UNC13C: variants seen among roughly 807,000 people sequenced by gnomAD.
The protein encoded by UNC13C is protein unc-13 homolog C.
UNC13C carries 174 observed loss-of-function variants against 245.4 expected under a neutral mutation model. The observed-to-expected ratio is 0.71, with a 90% CI of 0.63 to 0.80. The LOEUF (loss-of-function observed/expected upper bound fraction) is 0.80, where lower values mean the gene tolerates loss of function less well. Among genes scored for constraint, UNC13C ranks in the 30% least tolerant of loss-of-function variants. The pLI, the probability that UNC13C is intolerant of heterozygous loss-of-function variation, is 0.00. For synonymous variants in UNC13C, 992 were observed against 895.1 expected (o/e 1.11, Z -1.93); for missense variants, 2,829 against 2,602.9 (o/e 1.09, Z -1.89).
chr15:54,375,922 G>T (rs1047729698), intron 17 of UNC13C, among the ~76,000 whole-genome samples: 11 of 152,286 alleles, frequency 7.2e-5, no homozygotes, highest in African/African-American at 2.6e-4. Flanking sequence ...GTAGCAATTT[G>T]TTACACAGCA....
intron 19 of UNC13C, among the ~76,000 whole-genome samples, chr15:54,471,232 G>A (rs1892446522): frequency 6.6e-6 from 1 of 151,296 alleles, no homozygotes. Flanking sequence ...TATAGTTCAA[G>A]CAAATGCTTT....
intron 8 of UNC13C, among the ~76,000 whole-genome samples, chr15:54,258,758 TG>T (rs1353558799): frequency 2.6e-5 from 4 of 152,200 alleles, no homozygotes; most frequent in Non-Finnish European, 5.9e-5. Flanking sequence ...AAGCTATATG[TG>T]TTATCTCATT....
intron 13 of UNC13C, among the ~76,000 whole-genome samples, chr15:54,313,029 T>C (rs562366778): frequency 2.0e-5 from 3 of 151,852 alleles, no homozygotes; most frequent in African/African-American, 7.2e-5. Flanking sequence ...CTTAGAGGGA[T>C]TGAGTCAGGT....
In UNC13C at chr15:54,237,660, G is replaced by T. The variant is rs1320034225; in HGVS notation, c.3198G>T (p.Val1066=). Residue 1066 remains valine, a synonymous_variant, in exon 7 of 33, where the codon GTG becomes GTT. Coordinates refer to ENST00000260323, the MANE Select transcript of UNC13C (RefSeq NM_001080534.3). ...AATCTGGACTCTCCCTGGCTATGGT[G>T]ATTAGGACATCCCTAAATAATGAGG... ...ARKSGLSLAM[V]IRTSLNNEEL... 3 of 1,612,292 alleles carry T rather than the reference G, an allele frequency of 1.9e-6. No individual in the cohort carries two copies. Among genetic ancestry groups the T allele is most frequent in the South Asian group, 1.1e-5 (1 of 90,346 alleles).
chr15:54,050,364 G>GCACT (rs1255222654), intron 2 of UNC13C: 2 of 559,812 alleles, frequency 3.6e-6, no homozygotes, highest in African/African-American at 1.9e-5. Context: ...TCCTCAGAAG[G>GCACT]CACTCCTCCT....
intron 30 of UNC13C, among the ~76,000 whole-genome samples, chr15:54,572,896 C>G (rs1235983315): frequency 6.6e-6 from 1 of 152,086 alleles, no homozygotes; most frequent in Non-Finnish European, 1.5e-5. Flanking sequence ...TTTTCTTATT[C>G]TCATATAATT....
At chr15:54,086,737 C>CTTTTTTTTTTTTTTTTTTTTTTTTTTTTT (rs57209912) in intron 2 of UNC13C, among the ~76,000 whole-genome samples, 4 of 92,012 alleles carry the variant, frequency 4.3e-5, no homozygotes, top group East Asian at 3.5e-4. Flanking sequence ...TATTTTCTTT[C>CTTTTTTTTTTTTTTTTTTTTTTTTTTTTT]TTTTTTTTTT....
chr15:54,242,225 C>G (rs1240560051), intron 7 of UNC13C, among the ~76,000 whole-genome samples: 1 of 151,952 alleles, frequency 6.6e-6, no homozygotes, highest in South Asian at 2.1e-4. Flanking sequence ...AAAATAAGTT[C>G]TGTATCTTGA....
chr15:54,530,750 C>G (rs1895698797), intron 25 of UNC13C, among the ~76,000 whole-genome samples: 1 of 152,052 alleles, frequency 6.6e-6, no homozygotes, highest in African/African-American at 2.4e-5. Context: ...TAAGAGTGTC[C>G]TCAGAGAATT....
chr15:54,241,700 C>G (rs1171080705), intron 7 of UNC13C, among the ~76,000 whole-genome samples: 1 of 152,180 alleles, frequency 6.6e-6, no homozygotes, highest in African/African-American at 2.4e-5. Context: ...TTTAGTCAAA[C>G]CCTTCCCATT....
chr15:54,038,120 A>ATTTTTTTTTTTTTTTTT (rs1246982047), intron 2 of UNC13C, among the ~76,000 whole-genome samples: 8 of 45,196 alleles, frequency 1.8e-4, no homozygotes, highest in Admixed American at 4.8e-4. Flanking sequence ...ATATATATAT[A>ATTTTTTTTTTTTTTTTT]TATATTTTTT....
At chr15:54,567,271 C>G (rs2141215839) in intron 29 of UNC13C, among the ~76,000 whole-genome samples, 1 of 152,016 alleles carries the variant, frequency 6.6e-6, no homozygotes, top group African/African-American at 2.4e-5. Context: ...GTTGGATTTC[C>G]AAGGACCACT....
intron 2 of UNC13C, among the ~76,000 whole-genome samples, chr15:54,137,268 C>CT (rs2031786423): frequency 6.6e-6 from 1 of 152,108 alleles, no homozygotes; most frequent in Non-Finnish European, 1.5e-5. Context: ...TTGTTGAAGA[C>CT]TTTTTTGCAT....
chr15:54,186,293 C>T (rs1268365154), intron 4 of UNC13C, among the ~76,000 whole-genome samples: 1 of 152,180 alleles, frequency 6.6e-6, no homozygotes, highest in Non-Finnish European at 1.5e-5. Flanking sequence ...CTGGCCAGAA[C>T]TTCCAACACT....
At chr15:54,106,378 C>T (rs1334272467) in intron 2 of UNC13C, among the ~76,000 whole-genome samples, 1 of 152,118 alleles carries the variant, frequency 6.6e-6, no homozygotes, top group Non-Finnish European at 1.5e-5. Flanking sequence ...ACTTGAAATT[C>T]TCCAATGACC....
At chr15:54,460,187 C>T (rs1479438253) in intron 19 of UNC13C, among the ~76,000 whole-genome samples, 4 of 152,184 alleles carry the variant, frequency 2.6e-5, no homozygotes, top group Non-Finnish European at 5.9e-5. Flanking sequence ...CCCAGTAGGG[C>T]TACTGAGCTC....
chr15:53,845,311 C>T, the UNC13C span, among the ~76,000 whole-genome samples: 18 of 102,370 alleles, frequency 1.8e-4, no homozygotes, highest in East Asian at 2.1e-3. Context: ...GGTGACAGAG[C>T]GAGAGTCTCT....
At chr15:54,248,071 A>G (rs1303927572) in intron 7 of UNC13C, among the ~76,000 whole-genome samples, 1 of 152,202 alleles carries the variant, frequency 6.6e-6, no homozygotes, top group Non-Finnish European at 1.5e-5. Flanking sequence ...GAATAAGTTC[A>G]TGTTCAAAAA....
chr15:53,869,486 G>A, the UNC13C span, among the ~76,000 whole-genome samples: 2 of 152,074 alleles, frequency 1.3e-5, no homozygotes, highest in Non-Finnish European at 1.5e-5. Flanking sequence ...TTCAATGTTA[G>A]GATGAATATT....
Sources: allele counts gnomAD v4.1 joint callset (sites outside exome capture counted in the v4.1 genomes callset), GRCh38; gene constraint gnomAD v4.1.1; transcripts MANE v1.5; gene names NCBI Gene and HGNC (gene_info 2026-07-23, HGNC 2026-07-21).